The following CTTNBP2NL variants were observed in gnomAD, a reference collection of about 807,000 sequenced individuals.
The protein encoded by CTTNBP2NL is CTTNBP2 N-terminal-like protein.
In CTTNBP2NL, 16 loss-of-function variants were observed where a neutral mutation model predicts 32.5. That is an observed-to-expected ratio of 0.49 (90% CI 0.33 to 0.75). The LOEUF is 0.75. Ranked by LOEUF, CTTNBP2NL falls within the 30% of genes least tolerant of loss-of-function variation. CTTNBP2NL has a pLI of 0.02. For synonymous variants in CTTNBP2NL, 298 were observed against 289.4 expected, an observed-to-expected ratio of 1.03 and a Z score of -0.30; for missense variants, 645 against 756.0, an observed-to-expected ratio of 0.85 and a Z score of 1.72.
intron 3 of CTTNBP2NL, among the ~76,000 whole-genome samples, chr1:112,422,486 T>C (rs2483362): frequency 0.57 from 87,110 of 152,124 alleles, 25,615 homozygotes; most frequent in South Asian, 0.71. Context: ...TATATGCTTT[T>C]ATTTCTTTTG....
At chr1:112,453,255 T>TATA in intron 4 of CTTNBP2NL, among the ~76,000 whole-genome samples, 1 of 152,190 alleles carries the variant, frequency 6.6e-6, no homozygotes, top group Admixed American at 6.5e-5. Flanking sequence ...TTTTTATTTT[T>TATA]ATAGACAGGT....
In CTTNBP2NL at chr1:112,448,986, T is replaced by C. The variant is rs761563797; in HGVS notation, c.144T>C (p.Tyr48=). The C allele has an allele frequency of 4.3e-6, 7 of 1,613,368 alleles. No individual in the cohort carries two copies. The highest frequency in any genetic ancestry group is 1.1e-5 in the South Asian group (1 of 91,066). ...TCATTGAAGAACGCTATGGAAAATA[T>C]AACATCAGTGATCCTTTAATGGCTC... ...DTFIEERYGK[Y]NISDPLMALQ... Residue 48 remains tyrosine (Y), a synonymous_variant, in exon 4 of 6, where the codon TAT becomes TAC. Coordinates refer to ENST00000271277, the MANE Select transcript of CTTNBP2NL (RefSeq NM_018704.3).
At chr1:112,399,318 C>CAAAAAA (rs72332884) in intron 1 of CTTNBP2NL, among the ~76,000 whole-genome samples, 4 of 77,990 alleles carry the variant, frequency 5.1e-5, no homozygotes, top group Admixed American at 3.1e-4. Flanking sequence ...GACTCTGTCT[C>CAAAAAA]AAAAAAAAAA....
At chr1:112,394,334 G>C (rs966192328), upstream of CTTNBP2NL, among the ~76,000 whole-genome samples, 11 of 152,144 alleles carry the variant, frequency 7.2e-5, no homozygotes, top group Non-Finnish European at 1.3e-4. Flanking sequence ...CAGGCGATGA[G>C]GCACTTCCTC....
At chr1:112,411,679 A>G (rs1648870669) in intron 1 of CTTNBP2NL, among the ~76,000 whole-genome samples, 1 of 130,380 alleles carries the variant, frequency 7.7e-6, no homozygotes, top group Non-Finnish European at 1.7e-5. Context: ...TTCCGTTGTA[A>G]TTATGATTTT....
intron 1 of CTTNBP2NL, among the ~76,000 whole-genome samples, chr1:112,410,506 T>C (rs1648823612): frequency 6.6e-6 from 1 of 152,190 alleles, no homozygotes; most frequent in Non-Finnish European, 1.5e-5. Context: ...TATATTTATA[T>C]GTGTATTTTT....
chr1:112,428,728 T>C (rs1331628648), intron 3 of CTTNBP2NL, among the ~76,000 whole-genome samples: 1 of 152,178 alleles, frequency 6.6e-6, no homozygotes, highest in Non-Finnish European at 1.5e-5. Context: ...TGTTTTACTA[T>C]ACTATAATAT....
intron 1 of CTTNBP2NL, among the ~76,000 whole-genome samples, chr1:112,401,150 C>A (rs1037107154): frequency 6.6e-6 from 1 of 152,090 alleles, no homozygotes; most frequent in African/African-American, 2.4e-5. Flanking sequence ...AGCATTTTAG[C>A]AAAGGTGAAG....
intron 1 of CTTNBP2NL, among the ~76,000 whole-genome samples, chr1:112,408,759 A>G (rs1195567144): frequency 1.3e-5 from 2 of 152,266 alleles, no homozygotes; most frequent in Non-Finnish European, 2.9e-5. Context: ...CCCATTTCAC[A>G]TGTCCATCTT....
At chr1:112,399,513 C>T (rs7541222) in intron 1 of CTTNBP2NL, among the ~76,000 whole-genome samples, 51,349 of 151,836 alleles carry the variant, frequency 0.34, 9,133 homozygotes, top group East Asian at 0.55. Flanking sequence ...TTGTGGTGGG[C>T]ATAATACAAT....
chr1:112,415,084 G>A (rs1649016209), intron 2 of CTTNBP2NL, among the ~76,000 whole-genome samples: 1 of 151,994 alleles, frequency 6.6e-6, no homozygotes, highest in African/African-American at 2.4e-5. Context: ...CTAGCTACTT[G>A]GGAGGCTGAG....
At chr1:112,430,332 C>A (rs940464765) in intron 3 of CTTNBP2NL, among the ~76,000 whole-genome samples, 6 of 150,882 alleles carry the variant, frequency 4.0e-5, no homozygotes, top group Non-Finnish European at 7.4e-5. Flanking sequence ...CTCAAGTGAT[C>A]TTCCCACCTC....
chr1:112,457,448 C>T lies in CTTNBP2NL; in HGVS notation c.*36C>T. On this transcript the variant is annotated 3_prime_UTR_variant, in exon 6 of 6. Transcript: ENST00000271277. ...GGAGTCTCCACGTTTGACATTCCAT[C>T]AGATTTCGTCCAAAAGCTCAGTCAG... 6.5e-7 allele frequency: 1 copy of T among 1,547,778 alleles called. No individual in the cohort carries two copies. Among genetic ancestry groups the T allele is most frequent in the African/African-American group, 1.4e-5 (1 of 72,820 alleles).
At chr1:112,445,235 C>G (rs1043079781) in intron 3 of CTTNBP2NL, among the ~76,000 whole-genome samples, 2 of 152,124 alleles carry the variant, frequency 1.3e-5, no homozygotes, top group African/African-American at 4.8e-5. Context: ...TAAGCCCCTC[C>G]CAGATTCCTG....
chr1:112,461,042 G>A lies in CTTNBP2NL; in HGVS notation c.*3630G>A, dbSNP rs935968403. ...GAATCAGAAGTGGGCAATGAGCATT[G>A]TTCCACAGGAATAATTTTTAATTTA... is the stretch of plus-strand genomic sequence containing the variant. On this transcript the variant is annotated 3_prime_UTR_variant, in exon 6 of 6. Transcript: ENST00000271277. 1 of 152,134 alleles carries A rather than the reference G, an allele frequency of 6.6e-6. No individual in the cohort carries two copies. Among genetic ancestry groups the A allele is most frequent in the Non-Finnish European group, 1.5e-5 (1 of 68,030 alleles). The allele number at this position is 152,134 out of a possible 1,614,324, so 9.4% of individuals were successfully genotyped here.
intron 3 of CTTNBP2NL, among the ~76,000 whole-genome samples, chr1:112,422,477 A>G (rs1649261537): frequency 6.6e-6 from 1 of 152,252 alleles, no homozygotes; most frequent in African/African-American, 2.4e-5. Context: ...TTGTGTGGAT[A>G]TATGCTTTTA....
chr1:112,431,108 CA>C (rs2101016165), intron 3 of CTTNBP2NL, among the ~76,000 whole-genome samples: 1 of 152,312 alleles, frequency 6.6e-6, no homozygotes, highest in East Asian at 1.9e-4. Flanking sequence ...GTTTATAAAA[CA>C]GTACCTATTT....
rs1181807415 is a variant in CTTNBP2NL at position 112,457,602 on chromosome 1, A to T, written c.*190A>T. ...AGTAGTTTGGATTTTTATGGCTCACATCTTTTTACTGAAGCCAGAAAGGCA... is the reference window on the plus strand; with the variant it reads ...AGTAGTTTGGATTTTTATGGCTCACTTCTTTTTACTGAAGCCAGAAAGGCA... On this transcript the variant is annotated 3_prime_UTR_variant, in exon 6 of 6. Transcript: ENST00000271277. The T allele has an allele frequency of 3.7e-6, 2 of 546,282 alleles. No homozygotes were observed. The highest frequency in any genetic ancestry group is 3.1e-6 in the Non-Finnish European group (1 of 320,756). The allele number at this position is 546,282 out of a possible 1,614,324, so 33.8% of individuals were successfully genotyped here.
intron 1 of CTTNBP2NL, among the ~76,000 whole-genome samples, chr1:112,401,843 T>G (rs972718023): frequency 1.3e-5 from 2 of 152,234 alleles, no homozygotes; most frequent in African/African-American, 4.8e-5. Context: ...ACTTCCAATC[T>G]AAATGTGTCA....
Sources: allele counts gnomAD v4.1 joint callset (sites outside exome capture counted in the v4.1 genomes callset), GRCh38; gene constraint gnomAD v4.1.1; transcripts MANE v1.5; gene names NCBI Gene and HGNC (gene_info 2026-07-23, HGNC 2026-07-21).